The following CHIC2 variants were observed in gnomAD, a reference collection of about 807,000 sequenced individuals.
CHIC2 encodes cysteine rich hydrophobic domain 2.
Under a neutral mutation model 25.9 loss-of-function variants are expected in CHIC2, and 14 were observed. That is an observed-to-expected ratio of 0.54 (90% CI 0.36 to 0.85). The LOEUF (loss-of-function observed/expected upper bound fraction) is 0.85, where lower values mean the gene tolerates loss of function less well. Ranked by LOEUF, CHIC2 falls within the 40% of genes least tolerant of loss-of-function variation. The pLI is 0.01. For synonymous variants in CHIC2, 70 were observed against 72.0 expected (o/e 0.97, Z 0.14); for missense variants, 146 against 202.0 (o/e 0.72, Z 1.68).
At chr4:54,013,792 A>G (rs941087735) in intron 5 of CHIC2, 45 bp downstream of exon 5, 1 of 1,569,412 alleles carries the variant, frequency 6.4e-7, no homozygotes, top group Non-Finnish European at 8.8e-7. Flanking sequence ...AGCAAAATAA[A>G]TGATCATTTA....
intron 1 of CHIC2, among the ~76,000 whole-genome samples, chr4:54,056,318 T>C (rs939549261): frequency 2.0e-5 from 3 of 152,218 alleles, no homozygotes; most frequent in African/African-American, 7.2e-5. Flanking sequence ...AAGATTTTTG[T>C]ATATCTGATT....
chr4:54,047,013 G>A (rs2110083464), intron 3 of CHIC2, among the ~76,000 whole-genome samples: 1 of 152,268 alleles, frequency 6.6e-6, no homozygotes, highest in African/African-American at 2.4e-5. Flanking sequence ...CTTCTCAAAA[G>A]AAGACATTTA....
chr4:54,050,501 C>T (rs1035496302), intron 1 of CHIC2, among the ~76,000 whole-genome samples: 2 of 152,044 alleles, frequency 1.3e-5, no homozygotes, highest in African/African-American at 4.8e-5. Flanking sequence ...ATCAGGATAC[C>T]TCCTTATATC....
chr4:54,089,007 C>A, the CHIC2 span, among the ~76,000 whole-genome samples: 1,504 of 152,268 alleles, frequency 9.9e-3, 35 homozygotes, highest in African/African-American at 0.034. Flanking sequence ...ACCTTCTCTT[C>A]TCCTAGTTTC....
At chr4:54,073,923 G>A in the CHIC2 span, among the ~76,000 whole-genome samples, 1 of 152,162 alleles carries the variant, frequency 6.6e-6, no homozygotes, top group Non-Finnish European at 1.5e-5. Context: ...TTGGGAGGCT[G>A]AGATGGGCAG....
chr4:54,088,536 T>C, the CHIC2 span, among the ~76,000 whole-genome samples: 1 of 152,000 alleles, frequency 6.6e-6, no homozygotes, highest in Non-Finnish European at 1.5e-5. Flanking sequence ...GGAAGAGTTC[T>C]CAACAGAGGG....
intron 1 of CHIC2, among the ~76,000 whole-genome samples, chr4:54,063,567 C>T (rs1208140795): frequency 6.6e-6 from 1 of 152,246 alleles, no homozygotes; most frequent in African/African-American, 2.4e-5. Context: ...GTGTATGTCC[C>T]TCACGTAGTT....
the CHIC2 span, among the ~76,000 whole-genome samples, chr4:54,081,733 G>T: frequency 6.6e-6 from 1 of 151,898 alleles, no homozygotes; most frequent in African/African-American, 2.4e-5. Context: ...TGTTGTTGTT[G>T]TTGTTGTTTT....
intron 3 of CHIC2, among the ~76,000 whole-genome samples, chr4:54,027,203 G>A (rs528646124): frequency 6.6e-6 from 1 of 152,230 alleles, no homozygotes; most frequent in Admixed American, 6.5e-5. Flanking sequence ...ACAGAAGATA[G>A]GTGCAAATCC....
At chr4:54,054,162 G>T (rs867299868) in intron 1 of CHIC2, among the ~76,000 whole-genome samples, 1 of 152,132 alleles carries the variant, frequency 6.6e-6, no homozygotes, top group African/African-American at 2.4e-5. Context: ...GTATTAACTA[G>T]GTATTTTAAG....
the CHIC2 span, among the ~76,000 whole-genome samples, chr4:54,075,178 G>C: frequency 6.6e-6 from 1 of 152,020 alleles, no homozygotes; most frequent in Non-Finnish European, 1.5e-5. Context: ...CAATATCCAG[G>C]GTATAACCTT....
At chr4:54,088,097 AAT>A in the CHIC2 span, among the ~76,000 whole-genome samples, 1 of 152,124 alleles carries the variant, frequency 6.6e-6, no homozygotes, top group African/African-American at 2.4e-5. Context: ...ACAATTTTCT[AAT>A]ATGTGTTAAT....
chr4:54,064,496 A>C lies in CHIC2; in HGVS notation c.-196T>G. On this transcript the variant is annotated 5_prime_UTR_variant, in exon 1 of 6. An upstream start codon of the reference 5' UTR is lost. Coordinates refer to ENST00000263921, the MANE Select transcript of CHIC2 (RefSeq NM_012110.4). The surrounding 1 kb of genome is among the most constrained non-coding windows in gnomAD (Gnocchi z 4.2). ...GACCGTCGCCGCCACCGCCGCCGCC[A>C]TTACCATCAGCAATAACAACAACAC... 1 of 1,438,622 alleles carries C rather than the reference A, an allele frequency of 7.0e-7. No individual in the cohort carries two copies. Among genetic ancestry groups the C allele is most frequent in the Non-Finnish European group, 9.1e-7 (1 of 1,104,326 alleles). 89.1% of individuals were successfully genotyped at this position (1,438,622 alleles called of 1,614,324 possible).
intron 3 of CHIC2, among the ~76,000 whole-genome samples, chr4:54,021,937 T>C (rs1424493142): frequency 2.0e-5 from 3 of 152,146 alleles, no homozygotes; most frequent in African/African-American, 4.8e-5. Flanking sequence ...GGCAGCCAAG[T>C]AGCAATGTAT....
At chr4:54,080,200 G>A in the CHIC2 span, among the ~76,000 whole-genome samples, 4 of 139,838 alleles carry the variant, frequency 2.9e-5, no homozygotes, top group East Asian at 8.0e-4. Context: ...ATATATATGT[G>A]TATATATATA....
chr4:54,065,734 G>C (rs1179356229), upstream of CHIC2, among the ~76,000 whole-genome samples: 1 of 152,180 alleles, frequency 6.6e-6, no homozygotes, highest in Non-Finnish European at 1.5e-5. Context: ...GCCCAGCGCT[G>C]GTCAGGCTCT....
chr4:54,029,740 G>C (rs1185226444), intron 3 of CHIC2, among the ~76,000 whole-genome samples: 2 of 152,156 alleles, frequency 1.3e-5, no homozygotes, highest in East Asian at 1.9e-4. Context: ...CCCAAACACA[G>C]AGTAAATCAG....
chr4:54,053,231 A>T (rs1262298838), intron 1 of CHIC2, among the ~76,000 whole-genome samples: 2 of 152,216 alleles, frequency 1.3e-5, no homozygotes, highest in Non-Finnish European at 2.9e-5. Flanking sequence ...CAGGAGTGCC[A>T]TCTGGTAGTA....
intron 3 of CHIC2, among the ~76,000 whole-genome samples, chr4:54,023,790 C>A (rs780220061): frequency 6.6e-6 from 1 of 152,242 alleles, no homozygotes; most frequent in South Asian, 2.1e-4. Flanking sequence ...AAAAGGACTA[C>A]GCATCAATAT....
Sources: allele counts gnomAD v4.1 joint callset (sites outside exome capture counted in the v4.1 genomes callset), GRCh38; gene constraint gnomAD v4.1.1; non-coding constraint Gnocchi (gnomAD v3.1); transcripts MANE v1.5; gene names NCBI Gene and HGNC (gene_info 2026-07-23, HGNC 2026-07-21).